The following TNC variants were observed in gnomAD, a reference collection of about 807,000 sequenced individuals.
The protein encoded by TNC is tenascin.
A neutral mutation model predicts 202.4 loss-of-function variants in TNC; 109 were observed. That is an observed-to-expected ratio of 0.54 (90% CI 0.46 to 0.63). The LOEUF is 0.63. Among genes scored for constraint, TNC ranks in the 30% least tolerant of loss-of-function variants. TNC has a pLI of 0.00. For missense variants in TNC, 2,756 were observed against 2,833.3 expected, an observed-to-expected ratio of 0.97 and a Z score of 0.62; for synonymous variants, 1,007 against 1,089.7, an observed-to-expected ratio of 0.92 and a Z score of 1.50.
At chr9:115,095,492 G>GTA (rs777308252) in intron 1 of TNC, among the ~76,000 whole-genome samples, 260 of 12,010 alleles carry the variant, frequency 0.022, 8 homozygotes, top group African/African-American at 0.027. Context: ...ATATATATAT[G>GTA]TATATATATG....
chr9:115,107,103 T>C (rs2134198609), intron 1 of TNC, among the ~76,000 whole-genome samples: 1 of 152,272 alleles, frequency 6.6e-6, no homozygotes, highest in Non-Finnish European at 1.5e-5. Context: ...TCAATCTCTA[T>C]ATACACAAGT....
In TNC at chr9:115,073,687, C is replaced by T. The variant is rs748775156; in HGVS notation, c.3130G>A (p.Glu1044Lys). Residue 1044 changes from glutamate to lysine, a missense_variant, in exon 10 of 28, where the codon GAA (glutamate) becomes AAA (lysine). Physicochemically the swap from Glu to Lys is moderately conservative, Grantham distance 56. This residue lies in a region of TNC where 2,559 missense variants were observed against 2,546.0 expected (regional missense o/e 1.01). Coordinates refer to ENST00000350763, the MANE Select transcript of TNC (RefSeq NM_002160.4). Reference sequence around the variant, plus strand: ...AGGACATTGTACTCCTGTCCTGGTTCCAGGCCTCTCAGGACATAGGAAGTG... The same window carrying T: ...AGGACATTGTACTCCTGTCCTGGTTTCAGGCCTCTCAGGACATAGGAAGTG... ...NTTSYVLRGL[E>K]PGQEYNVLLT... The T allele has an allele frequency of 1.9e-6, 3 of 1,613,998 alleles. No individual in the cohort carries two copies. Among genetic ancestry groups the T allele is most frequent in the Non-Finnish European group, 1.7e-6 (2 of 1,180,018 alleles).
At chr9:115,117,179 G>C (rs1306950853) in intron 1 of TNC, among the ~76,000 whole-genome samples, 1 of 152,188 alleles carries the variant, frequency 6.6e-6, no homozygotes. Flanking sequence ...TCAAACCTAA[G>C]CTCTTATTCC....
chr9:115,087,069 C>G lies in TNC; in HGVS notation c.662G>C (p.Cys221Ser). Reference sequence around the variant, plus strand: ...GCCCTGGTCATTGCAGTCGCTGGGGCAAGCCAGCTGGCTGCAGTCCTCGCC... The same window carrying G: ...GCCCTGGTCATTGCAGTCGCTGGGGGAAGCCAGCTGGCTGCAGTCCTCGCC... ...FTGEDCSQLA[C>S]PSDCNDQGKC... Residue 221 changes from cysteine (C) to serine (S), a missense_variant, in exon 3 of 28, where the codon TGC (cysteine) becomes TCC (serine). Cys to Ser is a moderately radical substitution (Grantham distance 112). Transcript: ENST00000350763. The G allele has an allele frequency of 1.2e-6, 2 of 1,613,570 alleles. No homozygotes were observed. Among genetic ancestry groups the G allele is most frequent in the South Asian group, 2.2e-5 (2 of 91,074 alleles).
At chr9:115,051,045 T>A (rs1382778029) in intron 15 of TNC, among the ~76,000 whole-genome samples, 1 of 152,172 alleles carries the variant, frequency 6.6e-6, no homozygotes, top group Non-Finnish European at 1.5e-5. Flanking sequence ...GAAAATCAGA[T>A]GGCAAAGTCC....
intron 16 of TNC, 83 bp downstream of exon 16, chr9:115,048,177 G>T: frequency 6.6e-7 from 1 of 1,507,890 alleles, no homozygotes; most frequent in Non-Finnish European, 9.0e-7. Flanking sequence ...GAACAAAGAT[G>T]TTAAAGTCAT....
chr9:115,046,944 A>C (rs1425400438), intron 16 of TNC, among the ~76,000 whole-genome samples: 1 of 152,216 alleles, frequency 6.6e-6, no homozygotes, highest in Non-Finnish European at 1.5e-5. Context: ...CAATTCAGTA[A>C]ATCCACATCT....
Position 115,118,130 on chromosome 9 carries a change from G to A in TNC, c.-285C>T, listed in dbSNP as rs371694342. 1 of 152,202 alleles carries A rather than the reference G, an allele frequency of 6.6e-6. No individual in the cohort carries two copies. Among genetic ancestry groups the A allele is most frequent in the Non-Finnish European group, 1.5e-5 (1 of 68,088 alleles). The allele number at this position is 152,202 out of a possible 1,614,324, so 9.4% of individuals were successfully genotyped here. A position where few individuals can be genotyped will look rare whatever the true frequency, so the allele number is the denominator to read the frequency against. The stretch of plus-strand genomic sequence containing the variant: ...GGGGCGTGTATCTGCGCGCGGGAGA[G>A]GCGGGTGACAGTAGGCAGGCTGTGG... On this transcript the variant is annotated 5_prime_UTR_variant, in exon 1 of 28. Coordinates refer to ENST00000350763, the MANE Select transcript of TNC (RefSeq NM_002160.4).
At position 115,063,794 on chromosome 9, in the gene TNC, A is replaced by G; in HGVS notation, c.3760+2T>C. ...GTGAATTAGTGAATTCGTCTAGAAT[A>G]CCTGTCAAGACTTCAACAGAGAGAG... On this transcript the variant is annotated splice_donor_variant, in intron 12 of 27. Transcript: ENST00000350763. LOFTEE classifies it high-confidence loss of function. 1 of 1,607,062 alleles carries G rather than the reference A, an allele frequency of 6.2e-7. No homozygotes were observed. Among genetic ancestry groups the G allele is most frequent in the Non-Finnish European group, 8.5e-7 (1 of 1,174,254 alleles).
At chr9:115,048,710 A>C (rs1831405053) in intron 15 of TNC, among the ~76,000 whole-genome samples, 178 bp from the exon 16 acceptor site, 1 of 152,204 alleles carries the variant, frequency 6.6e-6, no homozygotes, top group South Asian at 2.1e-4. Context: ...ATCTTGTGCA[A>C]TTCTCTTAAT....
chr9:115,028,435 A>G (rs1404862815), intron 25 of TNC, among the ~76,000 whole-genome samples: 2 of 152,136 alleles, frequency 1.3e-5, no homozygotes, highest in Non-Finnish European at 2.9e-5. Flanking sequence ...CCATCTTAGC[A>G]CCTGGAGCAC....
chr9:115,101,119 C>T (rs1036151952), intron 1 of TNC, among the ~76,000 whole-genome samples: 3 of 152,140 alleles, frequency 2.0e-5, no homozygotes, highest in Non-Finnish European at 4.4e-5. Context: ...GTGCCAAGCC[C>T]TGAGTTAAGT....
chr9:115,091,561 T>C (rs1447225130), intron 1 of TNC, among the ~76,000 whole-genome samples: 2 of 152,214 alleles, frequency 1.3e-5, no homozygotes, highest in East Asian at 3.8e-4. Flanking sequence ...TATTTGTGTA[T>C]TCATTAATTC....
chr9:115,084,390 T>C lies in TNC; in HGVS notation c.1950A>G (p.Thr650=), dbSNP rs746562984. 6.2e-7 allele frequency: 1 copy of C among 1,614,232 alleles called. No individual in the cohort carries two copies. Among genetic ancestry groups the C allele is most frequent in the Non-Finnish European group, 8.5e-7 (1 of 1,180,042 alleles). ...TGGGCGTGTACACGACAAGGTACTC[T>C]GTGACCCGCATCTCATTGTCCCAGG... ...NLAWDNEMRV[T]EYLVVYTPTH... Residue 650 remains threonine, a synonymous_variant, in exon 4 of 28, where the codon ACA becomes ACG. Coordinates refer to ENST00000350763, the MANE Select transcript of TNC (RefSeq NM_002160.4).
chr9:115,030,468 T>G, intron 23 of TNC, 63 bp from the exon 24 acceptor site: 1 of 1,522,676 alleles, frequency 6.6e-7, no homozygotes, highest in South Asian at 1.2e-5. Context: ...AGCTTAATTC[T>G]TAGCTTAACT....
rs1833847425 is a variant in TNC at position 115,076,310 on chromosome 9, G to C, written c.2860+80C>G. Reference sequence around the variant, plus strand: ...ACTTATTTCTGAGGGTTGCAAATGGGGACATGTGGGAGCAGGTGCCCATCC... The same window carrying C: ...ACTTATTTCTGAGGGTTGCAAATGGCGACATGTGGGAGCAGGTGCCCATCC... On this transcript the variant is annotated intron_variant, in intron 8 of 27. Coordinates refer to ENST00000350763, the MANE Select transcript of TNC (RefSeq NM_002160.4). 3 of 1,519,994 alleles carry C rather than the reference G, an allele frequency of 2.0e-6. No individual in the cohort carries two copies. The East Asian group carries it at 6.8e-5, about 34-fold the overall frequency. The allele number at this position is 1,519,994 out of a possible 1,614,324, so 94.2% of individuals were successfully genotyped here.
At chr9:115,033,859 A>G (rs894561940) in intron 22 of TNC, among the ~76,000 whole-genome samples, 1 of 152,224 alleles carries the variant, frequency 6.6e-6, no homozygotes, top group South Asian at 2.1e-4. Flanking sequence ...ATGGAGGGGA[A>G]TGAATGAAGA....
intron 1 of TNC, among the ~76,000 whole-genome samples, chr9:115,117,331 C>T (rs1003838953): frequency 1.3e-5 from 2 of 152,146 alleles, no homozygotes; most frequent in African/African-American, 4.8e-5. Context: ...ATTCTAGAGA[C>T]ATGTGGGACG....
intron 15 of TNC, chr9:115,052,913 A>G (rs1242506308): frequency 1.4e-6 from 1 of 702,784 alleles, no homozygotes; most frequent in Non-Finnish European, 2.6e-6. Flanking sequence ...ACTCACATTG[A>G]TAACAATCTT....
Sources: allele counts gnomAD v4.1 joint callset (sites outside exome capture counted in the v4.1 genomes callset), GRCh38; gene constraint gnomAD v4.1.1; regional missense constraint gnomAD v4.1.1; transcripts MANE v1.5; gene names NCBI Gene and HGNC (gene_info 2026-07-23, HGNC 2026-07-21).